Variants in UBAP2 observed in about 807,000 individuals in gnomAD.
UBAP2 encodes ubiquitin-associated protein 2.
A neutral mutation model predicts 139.6 loss-of-function variants in UBAP2; 75 were observed. The observed-to-expected ratio is 0.54, with a 90% CI of 0.45 to 0.65. The LOEUF (loss-of-function observed/expected upper bound fraction) is 0.65, where lower values mean the gene tolerates loss of function less well. UBAP2 is among the 30% of genes least tolerant of loss of function. The probability of loss-of-function intolerance (pLI) is 0.00; values close to 1 mark genes in which losing one functional copy is unlikely to be tolerated. For synonymous variants in UBAP2, 526 were observed against 526.2 expected, an observed-to-expected ratio of 1.00 and a Z score of 0.01; for missense variants, 1,368 against 1,369.6, an observed-to-expected ratio of 1.00 and a Z score of 0.02.
At chr9:34,005,370 G>C (rs747683942) in intron 2 of UBAP2, among the ~76,000 whole-genome samples, 10 of 149,564 alleles carry the variant, frequency 6.7e-5, no homozygotes, top group Non-Finnish European at 1.3e-4. Flanking sequence ...GGGAGGCAGA[G>C]GGTGCAGTGA....
chr9:34,036,118 CTTT>C (rs892962205), intron 1 of UBAP2, among the ~76,000 whole-genome samples: 2 of 143,594 alleles, frequency 1.4e-5, no homozygotes. Flanking sequence ...ATACTTTTTT[CTTT>C]TTTTTTTTTT....
chr9:34,029,698 G>A lies in UBAP2; in HGVS notation c.-41-12509C>T, dbSNP rs377087431. Among the ~76,000 whole-genome samples the A allele has an allele frequency of 1.1e-3, 174 of 151,770 alleles. 1 individual carries two copies. Among genetic ancestry groups the A allele is most frequent in the African/African-American group, 3.8e-3 (156 of 41,394 alleles). ...TTAAAAAAATAAAAAGAAGAAGAAG[G>A]AAGAAATGCGGCCAGGCACGGTGGC... is the stretch of plus-strand genomic sequence containing the variant. On this transcript the variant is annotated intron_variant, in intron 1 of 28. Transcript: ENST00000379238.
intron 1 of UBAP2, among the ~76,000 whole-genome samples, chr9:34,044,192 G>A (rs1827357751): frequency 6.6e-6 from 1 of 151,818 alleles, no homozygotes; most frequent in Non-Finnish European, 1.5e-5. Flanking sequence ...ACGAGGTCAG[G>A]AGATCAAGAC....
At chr9:34,033,583 T>C (rs1826068885) in intron 1 of UBAP2, among the ~76,000 whole-genome samples, 1 of 151,950 alleles carries the variant, frequency 6.6e-6, no homozygotes, top group South Asian at 2.1e-4. Context: ...TGTATACTTT[T>C]TTTTTTTCTC....
chr9:33,968,406 C>A (rs1827633293), intron 8 of UBAP2: 3 of 565,902 alleles, frequency 5.3e-6, no homozygotes, highest in South Asian at 4.2e-5. Context: ...AAGCAAGACA[C>A]CACCACCAGG....
intron 1 of UBAP2, among the ~76,000 whole-genome samples, chr9:34,029,365 T>TA (rs1221621254): frequency 6.6e-6 from 1 of 151,444 alleles, no homozygotes; most frequent in African/African-American, 2.4e-5. Flanking sequence ...TTGTCTCTAC[T>TA]AAAAATATAA....
In UBAP2 at chr9:33,922,364, T is replaced by G. The variant is rs1437571763; in HGVS notation, c.*140A>C. On this transcript the variant is annotated 3_prime_UTR_variant, in exon 29 of 29. Transcript: ENST00000379238. ...AATACATTACATACAGTAGCCAGTC[T>G]GGGAGGCAGACTCCCCACAGAGGCA... The G allele has an allele frequency of 1.3e-6, 1 of 793,924 alleles. No homozygotes were observed. The highest frequency in any genetic ancestry group is 2.1e-6 in the Non-Finnish European group (1 of 467,498). 49.2% of individuals were successfully genotyped at this position (793,924 alleles called of 1,614,324 possible). A position where few individuals can be genotyped will look rare whatever the true frequency, so the allele number is the denominator to read the frequency against.
intron 1 of UBAP2, among the ~76,000 whole-genome samples, chr9:34,037,795 A>C (rs927933905): frequency 1.3e-5 from 2 of 152,032 alleles, no homozygotes; most frequent in Non-Finnish European, 2.9e-5. Context: ...ACTGGATGGG[A>C]AAAGAGGCTA....
At chr9:34,016,210 TAGGAGGAAGAGG>T (rs1370395062) in intron 2 of UBAP2, among the ~76,000 whole-genome samples, 7 of 55,894 alleles carry the variant, frequency 1.3e-4, no homozygotes, top group South Asian at 8.4e-4. Context: ...AGAGGAGGAA[TAGGAGGAAGAGG>T]AGGAGGAAGA....
Position 33,988,999 on chromosome 9 carries a change from C to A in UBAP2, c.416G>T (p.Gly139Val). Reference protein sequence around the residue: ...SRGRGNNNRKGRGGNRGREFR... With the variant: ...SRGRGNNNRKVRGGNRGREFR... ...TTCTCTGCCACGATTGCCGCCTCTTCCTTTCCGGTTGTTGTTTCCACGTCC... is the reference window on the plus strand; with the variant it reads ...TTCTCTGCCACGATTGCCGCCTCTTACTTTCCGGTTGTTGTTTCCACGTCC... The change falls in exon 5 of 29, where the codon GGA becomes GTA. Residue 139 changes from glycine to valine, a missense_variant. Transcript: ENST00000379238. The A allele has an allele frequency of 1.2e-6, 2 of 1,613,592 alleles. No homozygotes were observed. Among genetic ancestry groups the A allele is most frequent in the South Asian group, 2.2e-5 (2 of 90,960 alleles).
chr9:34,028,221 A>C lies in UBAP2; in HGVS notation c.-41-11032T>G, dbSNP rs1414221898. Among the ~76,000 whole-genome samples, 3 of 152,012 alleles carry C rather than the reference A, an allele frequency of 2.0e-5. 1 individual carries two copies. Among genetic ancestry groups the C allele is most frequent in the African/African-American group, 7.2e-5 (3 of 41,382 alleles). ...AGGATGAGTGCTGGTGAACTCAAAC[A>C]CTATAGGACATCAAAATTTATTTGA... On this transcript the variant is annotated intron_variant, in intron 1 of 28. Transcript: ENST00000379238.
At chr9:34,046,360 A>C (rs920453412) in intron 1 of UBAP2, among the ~76,000 whole-genome samples, 1 of 151,956 alleles carries the variant, frequency 6.6e-6, no homozygotes. Context: ...TTAGAAGTAA[A>C]GGCTTCATGC....
At chr9:34,006,407 C>G (rs925305629) in intron 2 of UBAP2, among the ~76,000 whole-genome samples, 6 of 152,068 alleles carry the variant, frequency 3.9e-5, no homozygotes, top group Non-Finnish European at 8.8e-5. Context: ...TAGTCAGGTA[C>G]AGCAGTTCAC....
rs552816095 is a variant in UBAP2 at position 34,014,919 on chromosome 9, T to C, written c.99+2131A>G. Among the ~76,000 whole-genome samples the C allele has an allele frequency of 8.5e-5, 13 of 152,272 alleles. 1 individual carries two copies. In the South Asian group the frequency reaches 2.5e-3, roughly 29 times the overall value. ...GAATAAATTCCTATCAGAGTAAGTG[T>C]ATTTAGGATCAAGCACTGAGTAGCA... On this transcript the variant is annotated intron_variant, in intron 2 of 28. Coordinates refer to ENST00000379238, the MANE Select transcript of UBAP2 (RefSeq NM_001370062.2).
chr9:33,935,570 G>A (rs573036243), intron 17 of UBAP2: 8 of 478,132 alleles, frequency 1.7e-5, no homozygotes, highest in African/African-American at 1.6e-4. Flanking sequence ...CCTGGCCCAA[G>A]CATCTTTAAA....
intron 16 of UBAP2, among the ~76,000 whole-genome samples, chr9:33,939,189 C>CTTTTTTTTTTTTT: frequency 1.3e-5 from 1 of 78,584 alleles, no homozygotes; most frequent in Non-Finnish European, 2.3e-5. Flanking sequence ...TTTCCTATGT[C>CTTTTTTTTTTTTT]TTTTTTTTTT....
intron 2 of UBAP2, among the ~76,000 whole-genome samples, chr9:34,001,977 A>C (rs1037739504): frequency 1.2e-4 from 18 of 151,612 alleles, no homozygotes; most frequent in Non-Finnish European, 1.8e-4. Flanking sequence ...AAAAAAAAAA[A>C]CAAAAAAACA....
At chr9:34,035,877 G>A (rs1826319024) in intron 1 of UBAP2, among the ~76,000 whole-genome samples, 1 of 143,640 alleles carries the variant, frequency 7.0e-6, no homozygotes, top group South Asian at 2.2e-4. Context: ...TTTACTCAAG[G>A]ACATACTGCA....
chr9:33,970,013 T>G (rs1200435341), intron 8 of UBAP2, among the ~76,000 whole-genome samples: 1 of 131,804 alleles, frequency 7.6e-6, no homozygotes, highest in Non-Finnish European at 1.6e-5. Context: ...CACTGCAACC[T>G]ATGCTTCCTA....
Sources: allele counts gnomAD v4.1 joint callset (sites outside exome capture counted in the v4.1 genomes callset), GRCh38; gene constraint gnomAD v4.1.1; transcripts MANE v1.5; gene names NCBI Gene and HGNC (gene_info 2026-07-23, HGNC 2026-07-21).